Variants in IDUA observed in about 807,000 individuals in gnomAD.
IDUA encodes the protein iduronidase alpha-L-.
Under a neutral mutation model 68.9 loss-of-function variants are expected in IDUA, and 65 were observed. That is an observed-to-expected ratio of 0.94 (90% CI 0.77 to 1.16). IDUA has a LOEUF of 1.16. Ranked by LOEUF, IDUA falls within the 50% of genes most tolerant of loss-of-function variation. The probability of loss-of-function intolerance (pLI) is 0.00; values close to 1 mark genes in which losing one functional copy is unlikely to be tolerated. For synonymous variants in IDUA, 529 were observed against 433.6 expected (o/e 1.22, Z -2.73); for missense variants, 1,046 against 938.0 (o/e 1.12, Z -1.50).
At chr4:1,003,749 C>A in intron 12 of IDUA, 124 bp downstream of exon 12, 2 of 1,093,602 alleles carry the variant, frequency 1.8e-6, no homozygotes, top group Admixed American at 2.0e-5. Flanking sequence ...CCTCGCCGCC[C>A]TGCGTCCCTG....
intron 2 of IDUA, chr4:989,988 C>A (rs753977507): frequency 1.3e-6 from 2 of 1,561,456 alleles, no homozygotes; most frequent in Non-Finnish European, 1.7e-6. Context: ...CAGCCACGCT[C>A]GAGCCAAAGC....
chr4:989,425 G>T, intron 2 of IDUA: 1 of 1,555,542 alleles, frequency 6.4e-7, no homozygotes. Flanking sequence ...TGGGCGTTGG[G>T]TGCGGCCGGC....
chr4:1,000,531 C>A, intron 2 of IDUA, 81 bp from the exon 3 acceptor site: 1 of 1,114,450 alleles, frequency 9.0e-7, no homozygotes, highest in African/African-American at 1.5e-5. Flanking sequence ...CTCCCACATG[C>A]TCCGTTGTGG....
Position 1,000,953 on chromosome 4 carries a change from A to T in IDUA, c.457A>T (p.Lys153Ter), listed in dbSNP as rs1715035049. 2 of 1,613,352 alleles carry T rather than the reference A, an allele frequency of 1.2e-6. No individual in the cohort carries two copies. The highest frequency in any genetic ancestry group is 3.3e-5 in the Admixed American group (2 of 60,024). ...FEDKQQVFEW[K>*]DLVSSLARRY... Reference sequence around the variant, plus strand: ...GGACAAGCAGCAGGTGTTTGAGTGGAAGGACTTGGTCTCCAGCCTGGCCAG... The same window carrying T: ...GGACAAGCAGCAGGTGTTTGAGTGGTAGGACTTGGTCTCCAGCCTGGCCAG... Residue 153 changes from lysine to a stop codon, truncating the protein, a stop_gained, in exon 4 of 14, where the codon AAG (lysine) becomes TAG (stop). Coordinates refer to ENST00000514224, the MANE Select transcript of IDUA (RefSeq NM_000203.5). LOFTEE classifies it high-confidence loss of function.
At chr4:987,711 A>T in intron 1 of IDUA, 98 bp from the exon 2 acceptor site, 3 of 1,571,654 alleles carry the variant, frequency 1.9e-6, no homozygotes, top group Non-Finnish European at 2.6e-6. Context: ...CAGCGCCTGG[A>T]TCCTGCGCCC....
intron 2 of IDUA, chr4:988,896 G>C: frequency 6.2e-7 from 1 of 1,604,256 alleles, no homozygotes; most frequent in Non-Finnish European, 8.5e-7. Flanking sequence ...GCACGGCATC[G>C]TGCACACTGA....
In IDUA at chr4:1,002,437, C is replaced by T; in HGVS notation, c.1141C>T (p.Leu381=). 6.4e-7 allele frequency: 1 copy of T among 1,562,690 alleles called. No homozygotes were observed. The highest frequency in any genetic ancestry group is 8.7e-7 in the Non-Finnish European group (1 of 1,156,010). The change falls in exon 8 of 14, where the codon CTG becomes TTG. Residue 381 remains leucine, a synonymous_variant. Coordinates refer to ENST00000514224, the MANE Select transcript of IDUA (RefSeq NM_000203.5). ...CAACACCCGCCCGCCGCACGTGCAG[C>T]TGTTGCGCAAGCCGGTGCTCACGGC... The part of the protein sequence containing the change: ...VNNTRPPHVQ[L]LRKPVLTAMG...
chr4:991,212 G>A lies in IDUA; in HGVS notation c.299+3263G>A. 1.9e-6 allele frequency: 3 copies of A among 1,607,332 alleles called. No individual in the cohort carries two copies. Among genetic ancestry groups the A allele is most frequent in the Non-Finnish European group, 2.6e-6 (3 of 1,176,110 alleles). On this transcript the variant is annotated intron_variant, in intron 2 of 13. Transcript: ENST00000514224. ...GCCCGCAGTCCAGCATGGCAGCCGAGCCGTTGAGGGTGCTGCTGTTGGCTC... is the reference window on the plus strand; with the variant it reads ...GCCCGCAGTCCAGCATGGCAGCCGAACCGTTGAGGGTGCTGCTGTTGGCTC...
chr4:1,002,102 G>A lies in IDUA; in HGVS notation c.913G>A (p.Gly305Ser), dbSNP rs1715121468. ...CAACGACGAGGCGGACCCGCTGGTG[G>A]GCTGGTCCCTGCCACAGCCGTGGAG... is the stretch of plus-strand genomic sequence containing the variant. Reference protein sequence around the residue: ...IYNDEADPLVGWSLPQPWRAD... With the variant: ...IYNDEADPLVSWSLPQPWRAD... The change falls in exon 7 of 14, where the codon GGC becomes AGC. Residue 305 changes from glycine to serine, a missense_variant. Coordinates refer to ENST00000514224, the MANE Select transcript of IDUA (RefSeq NM_000203.5). 6.4e-7 allele frequency: 1 copy of A among 1,574,292 alleles called. No individual in the cohort carries two copies. Among genetic ancestry groups the A allele is most frequent in the African/African-American group, 1.3e-5 (1 of 74,376 alleles).
At chr4:991,572 C>G (rs778790073) in intron 2 of IDUA, 5 of 1,602,014 alleles carry the variant, frequency 3.1e-6, no homozygotes, top group Non-Finnish European at 4.2e-6. Context: ...CCCGGACGCA[C>G]AGCACACTGC....
At chr4:991,586 A>T (rs1714340680) in intron 2 of IDUA, 2 of 1,598,946 alleles carry the variant, frequency 1.3e-6, no homozygotes, top group Admixed American at 3.4e-5. Context: ...ACACTGCACG[A>T]GCAGCTGCAC....
intron 2 of IDUA, among the ~76,000 whole-genome samples, chr4:999,166 C>G (rs1312234080): frequency 6.6e-6 from 1 of 151,052 alleles, no homozygotes; most frequent in Non-Finnish European, 1.5e-5. Context: ...GATCGCGCCA[C>G]TGCACCCCAG....
At chr4:1,002,648 A>G in intron 8 of IDUA, 84 bp from the exon 9 acceptor site, 15 of 1,183,508 alleles carry the variant, frequency 1.3e-5, no homozygotes, top group Admixed American at 5.0e-5. Context: ...GGGGAGGGGG[A>G]GCGAGTGGTG....
intron 9 of IDUA, 29 bp downstream of exon 9, chr4:1,002,973 GC>G (rs1413721820): frequency 7.2e-7 from 1 of 1,382,070 alleles, no homozygotes; most frequent in Non-Finnish European, 9.3e-7. Context: ...GAGGTCTCTG[GC>G]CCCGCTGGGG....
chr4:989,771 G>T, intron 2 of IDUA: 1 of 1,563,952 alleles, frequency 6.4e-7, no homozygotes, highest in African/African-American at 1.4e-5. Context: ...AAGCAGTGGA[G>T]GAAGGCGGGT....
intron 2 of IDUA, chr4:990,819 T>A (rs1356877382): frequency 1.4e-5 from 6 of 415,808 alleles, no homozygotes; most frequent in Non-Finnish European, 2.6e-5. Flanking sequence ...ACAGAAGGCC[T>A]GGGAGGCCAC....
Position 989,326 on chromosome 4 carries a change from C to T in IDUA, c.299+1377C>T, listed in dbSNP as rs777523898. The stretch of plus-strand genomic sequence containing the variant: ...CAGCGGCCCCCCAAAGCGGAACACC[C>T]GCACGCCGGGCTCAGGGACGAGGCC... On this transcript the variant is annotated intron_variant, in intron 2 of 13. Transcript: ENST00000514224. 15 of 1,608,680 alleles carry T rather than the reference C, an allele frequency of 9.3e-6. No homozygotes were observed. Among genetic ancestry groups the T allele is most frequent in the East Asian group, 6.7e-5 (3 of 44,666 alleles).
At chr4:998,735 G>A (rs536241641) in intron 2 of IDUA, among the ~76,000 whole-genome samples, 30 of 150,338 alleles carry the variant, frequency 2.0e-4, no homozygotes, top group Admixed American at 6.6e-4. Context: ...TCATCCACCC[G>A]CCTAGCTGCC....
At chr4:990,066 C>A in intron 2 of IDUA, 1 of 1,601,362 alleles carries the variant, frequency 6.2e-7, no homozygotes, top group South Asian at 1.1e-5. Context: ...CCGTGGGCAG[C>A]GGCACCCTCA....
Sources: gnomAD v4.1 joint callset for allele counts (sites outside exome capture counted in the v4.1 genomes callset) on GRCh38, gnomAD v4.1.1 for gene constraint, MANE v1.5 for transcripts, NCBI Gene and HGNC (gene_info 2026-07-23, HGNC 2026-07-21) for gene names.